SIL1: variants seen among roughly 807,000 people sequenced by gnomAD.
SIL1 encodes the protein nucleotide exchange factor SIL1.
In SIL1, 40 loss-of-function variants were observed where a neutral mutation model predicts 49.1. The ratio of observed to expected loss-of-function variants is 0.81; its 90% CI spans 0.63 to 1.06. The LOEUF is 1.06. Among genes scored for constraint, SIL1 ranks in the 50% least tolerant of loss-of-function variants. The pLI is 0.00. For synonymous variants in SIL1, 253 were observed against 250.8 expected, an observed-to-expected ratio of 1.01 and a Z score of -0.08; for missense variants, 500 against 572.6, an observed-to-expected ratio of 0.87 and a Z score of 1.29.
intron 1 of SIL1, among the ~76,000 whole-genome samples, chr5:139,142,918 G>A (rs547291849): frequency 2.6e-5 from 4 of 151,954 alleles, no homozygotes; most frequent in South Asian, 4.2e-4. Flanking sequence ...ACAGGTGCCC[G>A]CCACCACGCC....
At chr5:139,028,035 C>G (rs539269497) in intron 5 of SIL1, among the ~76,000 whole-genome samples, 1 of 152,258 alleles carries the variant, frequency 6.6e-6, no homozygotes, top group South Asian at 2.1e-4. Context: ...ACTCTCCCTG[C>G]ACCCAGCTAG....
Position 138,990,587 on chromosome 5 carries a change from C to T in SIL1, c.767+30584G>A, listed in dbSNP as rs566191853. 5.3e-5 allele frequency among the ~76,000 whole-genome samples: 8 copies of T among 152,204 alleles called. No homozygotes were observed. The South Asian group carries it at 1.5e-3, about 28-fold the overall frequency. Reference sequence around the variant, plus strand: ...CTCCCACTTCAGTCTCCAACCATGCCTGGATAATTTTGTTGTTTTTGTTAG... The same window carrying T: ...CTCCCACTTCAGTCTCCAACCATGCTTGGATAATTTTGTTGTTTTTGTTAG... On this transcript the variant is annotated intron_variant, in intron 7 of 9. Transcript: ENST00000394817.
chr5:139,013,465 A>C (rs1768329076), intron 7 of SIL1: 2 of 152,218 alleles, frequency 1.3e-5, no homozygotes, highest in Admixed American at 1.3e-4. Flanking sequence ...AAGAGCTCAC[A>C]GTCACTAGGG....
At chr5:139,067,508 G>A (rs745413001) in intron 3 of SIL1, among the ~76,000 whole-genome samples, 3 of 152,154 alleles carry the variant, frequency 2.0e-5, no homozygotes. Flanking sequence ...AGTGGTTGGT[G>A]GTTAGGAAAA....
chr5:138,986,522 T>G (rs547462438), intron 7 of SIL1, among the ~76,000 whole-genome samples: 1 of 152,242 alleles, frequency 6.6e-6, no homozygotes, highest in African/African-American at 2.4e-5. Context: ...TCCATTTTAA[T>G]AGAGGATAAA....
chr5:139,016,377 C>T (rs1283604065), intron 7 of SIL1, among the ~76,000 whole-genome samples: 2 of 152,002 alleles, frequency 1.3e-5, no homozygotes, highest in East Asian at 1.9e-4. Flanking sequence ...GTGGTAGAAA[C>T]GTAGAAGACC....
In SIL1 at chr5:139,042,705, G is replaced by T; in HGVS notation, c.368C>A (p.Thr123Asn). The T allele has an allele frequency of 6.2e-7, 1 of 1,614,036 alleles. No homozygotes were observed. Among genetic ancestry groups the T allele is most frequent in the East Asian group, 2.2e-5 (1 of 44,884 alleles). ...NLKGKRLDIN[T>N]NTYTSQDLKS... ...GAGATCCTGAGATGTGTAGGTGTTG[G>T]TGTTGATATCCAGCCTGTCCAAAGA... is the stretch of plus-strand genomic sequence containing the variant. The change falls in exon 5 of 10, where the codon ACC becomes AAC. Residue 123 changes from threonine to asparagine, a missense_variant. Physicochemically the swap from Thr to Asn is moderately conservative, Grantham distance 65. Transcript: ENST00000394817.
intron 3 of SIL1, among the ~76,000 whole-genome samples, chr5:139,092,204 C>T (rs548108933): frequency 1.3e-5 from 2 of 152,252 alleles, no homozygotes; most frequent in Admixed American, 6.5e-5. Flanking sequence ...TCTATAAGTA[C>T]TTCTGTTTCT....
At position 139,137,865 on chromosome 5, in the gene SIL1, TC is replaced by T. The variant is rs1279979667; in HGVS notation, c.-10-10013del. Among the ~76,000 whole-genome samples, 4 of 151,802 alleles carry T rather than the reference TC, an allele frequency of 2.6e-5. No individual in the cohort carries two copies. In the East Asian group the frequency reaches 7.7e-4, roughly 29 times the overall value. On this transcript the variant is annotated intron_variant, in intron 1 of 9. Coordinates refer to ENST00000394817, the MANE Select transcript of SIL1 (RefSeq NM_022464.5). ...GTGGAAAGACCCACCTCTACCATGTTCTAGTTTCTGCACCACACACAAACAC... is the reference window on the plus strand; with the variant it reads ...GTGGAAAGACCCACCTCTACCATGTTTAGTTTCTGCACCACACACAAACAC...
intron 7 of SIL1, chr5:139,012,362 C>T (rs1428418385): frequency 6.6e-6 from 1 of 152,128 alleles, no homozygotes; most frequent in Non-Finnish European, 1.5e-5. Context: ...TGTGCCTGAT[C>T]TCATCTGATC....
chr5:138,989,624 C>T (rs901162821), intron 7 of SIL1, among the ~76,000 whole-genome samples: 4 of 152,032 alleles, frequency 2.6e-5, no homozygotes, highest in South Asian at 2.1e-4. Flanking sequence ...AAACAAGGGC[C>T]GCACTCCTTT....
chr5:139,166,381 G>A (rs1751624931), intron 1 of SIL1, among the ~76,000 whole-genome samples: 1 of 152,080 alleles, frequency 6.6e-6, no homozygotes, highest in South Asian at 2.1e-4. Flanking sequence ...TTTAAGAGGG[G>A]CCAGGCATAG....
At chr5:138,978,782 T>C (rs1353896453) in intron 7 of SIL1, among the ~76,000 whole-genome samples, 17 of 152,250 alleles carry the variant, frequency 1.1e-4, no homozygotes, top group Non-Finnish European at 1.0e-4. Flanking sequence ...ATGTTGAGCA[T>C]CATTTCCTGT....
chr5:138,984,158 A>C (rs1767596516), intron 7 of SIL1, among the ~76,000 whole-genome samples: 1 of 152,170 alleles, frequency 6.6e-6, no homozygotes, highest in Admixed American at 6.5e-5. Flanking sequence ...CTTGTCACTG[A>C]ATAGAGCAGC....
In SIL1 at chr5:139,127,851, G is replaced by C. The variant is rs1387016218; in HGVS notation, c.-8C>G. 1 of 1,582,880 alleles carries C rather than the reference G, an allele frequency of 6.3e-7. No individual in the cohort carries two copies. The highest frequency in any genetic ancestry group is 1.1e-5 in the South Asian group (1 of 87,576). On this transcript the variant is annotated splice_region_variant and 5_prime_UTR_variant, in exon 2 of 10. Transcript: ENST00000394817. ...CAGGCTCTGGGGAGCCATAGTCAGG[G>C]ACCTGCAGGTGCAAGCATAGACAAC...
At chr5:139,122,263 T>C (rs1180127411) in intron 2 of SIL1, among the ~76,000 whole-genome samples, 2 of 152,192 alleles carry the variant, frequency 1.3e-5, no homozygotes, top group African/African-American at 4.8e-5. Flanking sequence ...AGATGTTATA[T>C]GCATACATCT....
At chr5:138,997,763 T>A (rs780709486) in intron 7 of SIL1, among the ~76,000 whole-genome samples, 1 of 152,226 alleles carries the variant, frequency 6.6e-6, no homozygotes, top group Non-Finnish European at 1.5e-5. Flanking sequence ...TTCACCACGT[T>A]GGTCAGACTG....
intron 6 of SIL1, among the ~76,000 whole-genome samples, chr5:139,024,475 T>C (rs1267622952): frequency 6.6e-6 from 1 of 152,234 alleles, no homozygotes; most frequent in Non-Finnish European, 1.5e-5. Context: ...ACTCATCCTC[T>C]TTCACCACAG....
intron 7 of SIL1, among the ~76,000 whole-genome samples, chr5:139,011,469 G>A (rs949577754): frequency 3.9e-5 from 6 of 152,070 alleles, no homozygotes; most frequent in Non-Finnish European, 8.8e-5. Context: ...GTTCCTATTC[G>A]GCCATCTTGG....
Sources: gnomAD v4.1 joint callset for allele counts (sites outside exome capture counted in the v4.1 genomes callset) on GRCh38, gnomAD v4.1.1 for gene constraint, MANE v1.5 for transcripts, NCBI Gene and HGNC (gene_info 2026-07-23, HGNC 2026-07-21) for gene names.